The following AFAP1L2 variants were observed in gnomAD, a reference collection of about 807,000 sequenced individuals.
AFAP1L2 encodes the protein actin filament-associated protein 1-like 2.
AFAP1L2 carries 46 observed loss-of-function variants against 99.3 expected under a neutral mutation model. That is an observed-to-expected ratio of 0.46 (90% CI 0.37 to 0.59). AFAP1L2 has a LOEUF of 0.59. AFAP1L2 is among the 20% of genes least tolerant of loss of function. The pLI is 0.00. For missense variants in AFAP1L2, 959 were observed against 1,034.9 expected, an observed-to-expected ratio of 0.93 and a Z score of 1.01; for synonymous variants, 397 against 419.1, an observed-to-expected ratio of 0.95 and a Z score of 0.64.
chr10:114,302,083 G>T, intron 12 of AFAP1L2: 1 of 483,214 alleles, frequency 2.1e-6, no homozygotes, highest in Non-Finnish European at 3.8e-6. Context: ...GGAGGAGCTG[G>T]AGAGTCTAAC....
In AFAP1L2 at chr10:114,300,348, C is replaced by T. The variant is rs2040921403; in HGVS notation, c.1803G>A (p.Leu601=). The T allele has an allele frequency of 1.2e-6, 2 of 1,614,050 alleles. No homozygotes were observed. The highest frequency in any genetic ancestry group is 1.7e-5 in the Admixed American group (1 of 60,000). ...TTCTCAGGGAAGGATCCTCTGGCTC[C>T]AAACTCTCCAGCTGCTTTGGGGGAA... ...ENLGEQQLES[L]EPEDPSLRIT... is the part of the protein sequence containing the mutation. The change falls in exon 15 of 19, where the codon TTG becomes TTA. Residue 601 remains leucine, a synonymous_variant. Coordinates refer to ENST00000304129, the MANE Select transcript of AFAP1L2 (RefSeq NM_001001936.3).
In AFAP1L2 at chr10:114,295,921, AC is replaced by A; in HGVS notation, c.*120del. 6.3e-7 allele frequency: 1 copy of A among 1,591,940 alleles called. No homozygotes were observed. The highest frequency in any genetic ancestry group is 2.2e-5 in the East Asian group (1 of 44,634). On this transcript the variant is annotated 3_prime_UTR_variant, in exon 19 of 19. Coordinates refer to ENST00000304129, the MANE Select transcript of AFAP1L2 (RefSeq NM_001001936.3). ...TTAGCTGAAGCTCTCCATTCACAGT[AC>A]CTCAGTCTTTGCTTTTTCTTCTAAA... is the stretch of plus-strand genomic sequence containing the variant.
intron 1 of AFAP1L2, among the ~76,000 whole-genome samples, chr10:114,396,423 T>C (rs1590873224): frequency 6.6e-6 from 1 of 152,252 alleles, no homozygotes; most frequent in African/African-American, 2.4e-5. Flanking sequence ...CCTGGTGCAG[T>C]GACGACTGGT....
At chr10:114,291,320 T>C (rs576142912), downstream of AFAP1L2, 112 of 1,438,856 alleles carry the variant, frequency 7.8e-5, no homozygotes, top group Non-Finnish European at 1.0e-4. Flanking sequence ...AAATGGTGCC[T>C]ACCTTCTGGA....
chr10:114,342,654 G>A (rs995057534), intron 1 of AFAP1L2, among the ~76,000 whole-genome samples: 4 of 152,260 alleles, frequency 2.6e-5, no homozygotes, highest in African/African-American at 9.6e-5. Flanking sequence ...ACCATGAGCC[G>A]AGGAACACAG....
chr10:114,300,481 C>A lies in AFAP1L2; in HGVS notation c.1752G>T (p.Glu584Asp). 6.2e-7 allele frequency: 1 copy of A among 1,614,084 alleles called. No homozygotes were observed. The highest frequency in any genetic ancestry group is 8.5e-7 in the Non-Finnish European group (1 of 1,179,962). ...ADSGPGPTPD[E>D]PCIKCPENLG... ...GGTTCTCTGGACACTTTATGCAGGG[C>A]TCATCTGGGGTGGGACCTGGGCCTG... Residue 584 changes from glutamate to aspartate, a missense_variant, in exon 14 of 19, where the codon GAG becomes GAT. By Grantham distance (45) the Glu-to-Asp change is conservative (BLOSUM62 2). Coordinates refer to ENST00000304129, the MANE Select transcript of AFAP1L2 (RefSeq NM_001001936.3).
chr10:114,404,646 C>T, upstream of AFAP1L2: 1 of 753,348 alleles, frequency 1.3e-6, no homozygotes, highest in Non-Finnish European at 1.8e-6. Context: ...CGCCCCTGTC[C>T]CAGCGCCCCT....
At chr10:114,311,231 TG>T (rs1353314388) in intron 7 of AFAP1L2, among the ~76,000 whole-genome samples, 1 of 152,118 alleles carries the variant, frequency 6.6e-6, no homozygotes, top group Non-Finnish European at 1.5e-5. Flanking sequence ...AAGTCAGCAG[TG>T]GCTCTGACTA....
intron 5 of AFAP1L2, among the ~76,000 whole-genome samples, chr10:114,316,522 T>A (rs984881029): frequency 1.3e-5 from 2 of 152,190 alleles, no homozygotes; most frequent in Non-Finnish European, 2.9e-5. Context: ...CTTTTACTAG[T>A]GTCTAACTTA....
chr10:114,287,320 A>G, the AFAP1L2 span, among the ~76,000 whole-genome samples: 3 of 152,200 alleles, frequency 2.0e-5, no homozygotes, highest in Non-Finnish European at 4.4e-5. Flanking sequence ...AGCCAGGACT[A>G]CAGGTGCACA....
In AFAP1L2 at chr10:114,296,365, T is replaced by G. The variant is rs1224847546; in HGVS notation, c.2431-297A>C. The G allele has an allele frequency of 5.7e-5, 24 of 422,460 alleles. No homozygotes were observed. In the East Asian group the frequency reaches 9.9e-4, roughly 17 times the overall value. 26.2% of individuals were successfully genotyped at this position (422,460 alleles called of 1,614,324 possible). On this transcript the variant is annotated intron_variant, in intron 18 of 18. Coordinates refer to ENST00000304129, the MANE Select transcript of AFAP1L2 (RefSeq NM_001001936.3). The stretch of plus-strand genomic sequence containing the variant: ...GCCATTGTTGTGGGACCTCCAAATA[T>G]CTCCAGCAGGTAAGGAGGATAGGAA...
chr10:114,384,710 A>G (rs2056268164), intron 1 of AFAP1L2, among the ~76,000 whole-genome samples: 1 of 152,194 alleles, frequency 6.6e-6, no homozygotes, highest in Non-Finnish European at 1.5e-5. Flanking sequence ...CTACTTCCAG[A>G]GAGAGGTACA....
Position 114,307,910 on chromosome 10 carries a change from C to A in AFAP1L2, c.968-1G>T. 1 of 1,614,012 alleles carries A rather than the reference C, an allele frequency of 6.2e-7. No homozygotes were observed. The highest frequency in any genetic ancestry group is 8.5e-7 in the Non-Finnish European group (1 of 1,179,868). On this transcript the variant is annotated splice_acceptor_variant, in intron 9 of 18. Coordinates refer to ENST00000304129, the MANE Select transcript of AFAP1L2 (RefSeq NM_001001936.3). LOFTEE classifies it high-confidence loss of function. Reference sequence around the variant, plus strand: ...AGGCCAGCAGAACATTTCTTCTTGACTGTCAAGATGAGACAGAAAGCAATT... The same window carrying A: ...AGGCCAGCAGAACATTTCTTCTTGAATGTCAAGATGAGACAGAAAGCAATT...
chr10:114,295,270 A>C lies in AFAP1L2; in HGVS notation c.*772T>G, dbSNP rs1357296285. ...TTTCCTACAGTAAAGAGTCACTTTA[A>C]TCTCAAAAGATACTTTTCACTGTTC... On this transcript the variant is annotated 3_prime_UTR_variant, in exon 19 of 19. Transcript: ENST00000304129. The C allele has an allele frequency of 1.0e-6, 1 of 984,960 alleles. No homozygotes were observed. Among genetic ancestry groups the C allele is most frequent in the Non-Finnish European group, 1.2e-6 (1 of 829,218 alleles). 61.0% of individuals were successfully genotyped at this position (984,960 alleles called of 1,614,324 possible).
At chr10:114,337,691 G>A (rs1215194691) in intron 2 of AFAP1L2, among the ~76,000 whole-genome samples, 4 of 152,248 alleles carry the variant, frequency 2.6e-5, no homozygotes, top group African/African-American at 9.6e-5. Flanking sequence ...ATTCAAAAAA[G>A]AGACCACATG....
At chr10:114,344,397 T>C (rs1268606734) in intron 1 of AFAP1L2, among the ~76,000 whole-genome samples, 1 of 152,202 alleles carries the variant, frequency 6.6e-6, no homozygotes, top group Non-Finnish European at 1.5e-5. Flanking sequence ...GCATTTTTCC[T>C]GACTTCTGAA....
At chr10:114,346,820 G>A (rs947367098) in intron 1 of AFAP1L2, among the ~76,000 whole-genome samples, 1 of 152,192 alleles carries the variant, frequency 6.6e-6, no homozygotes, top group African/African-American at 2.4e-5. Flanking sequence ...CCCACGCAGG[G>A]CTGGGCGGTT....
At chr10:114,379,892 GC>G (rs2055368970) in intron 1 of AFAP1L2, among the ~76,000 whole-genome samples, 1 of 152,218 alleles carries the variant, frequency 6.6e-6, no homozygotes, top group African/African-American at 2.4e-5. Flanking sequence ...GACTGGGTCT[GC>G]CTGGGAAGAG....
intron 1 of AFAP1L2, among the ~76,000 whole-genome samples, chr10:114,400,003 G>A (rs1052834262): frequency 2.1e-4 from 32 of 152,302 alleles, no homozygotes; most frequent in Non-Finnish European, 4.4e-4. Context: ...TTTGCCCAAG[G>A]AAATGAAGCC....
Sources: allele counts gnomAD v4.1 joint callset (sites outside exome capture counted in the v4.1 genomes callset), GRCh38; gene constraint gnomAD v4.1.1; transcripts MANE v1.5; gene names NCBI Gene and HGNC (gene_info 2026-07-23, HGNC 2026-07-21).